Variants in FAM227B observed in about 807,000 individuals in gnomAD.
FAM227B encodes protein FAM227B.
Under a neutral mutation model 73.8 loss-of-function variants are expected in FAM227B, and 88 were observed. The ratio of observed to expected loss-of-function variants is 1.19; its 90% confidence interval spans 1.00 to 1.42. The LOEUF (loss-of-function observed/expected upper bound fraction) is 1.42. FAM227B is among the 40% of genes most tolerant of loss of function. FAM227B has a pLI of 0.00. For missense variants in FAM227B, 632 were observed against 590.9 expected, an observed-to-expected ratio of 1.07 and a Z score of -0.72; for synonymous variants, 210 against 190.5, an observed-to-expected ratio of 1.10 and a Z score of -0.84.
At chr15:49,421,546 C>T (rs1040220752) in intron 11 of FAM227B, among the ~76,000 whole-genome samples, 23 of 152,194 alleles carry the variant, frequency 1.5e-4, no homozygotes, top group African/African-American at 5.3e-4. Context: ...TCTTTGCTAA[C>T]AAACTATCCA....
chr15:49,422,118 C>CAGAGAGAGAGAGAGAGAGAG lies in FAM227B; in HGVS notation c.1013-50720_1013-50719insCTCTCTCTCTCTCTCTCTCT, dbSNP rs1432810961. Among the ~76,000 whole-genome samples, 75 of 79,070 alleles carry CAGAGAGAGAGAGAGAGAGAG rather than the reference C, an allele frequency of 9.5e-4. 1 individual carries two copies. The highest frequency in any genetic ancestry group is 6.7e-3 in the South Asian group (14 of 2,090). The allele number at this position is 79,070 out of a possible 152,430, so 51.9% of individuals were successfully genotyped here. A position where few individuals can be genotyped will look rare whatever the true frequency, so the allele number is the denominator to read the frequency against. ...CCTGGTGGTAAAGTAGTGCATTTCA[C>CAGAGAGAGAGAGAGAGAGAG]ATAGAGAGAGAGAGAGAGAGAGAGA... On this transcript the variant is annotated intron_variant, in intron 11 of 15. Coordinates refer to ENST00000299338, the MANE Select transcript of FAM227B (RefSeq NM_152647.3).
intron 9 of FAM227B, 108 bp from the exon 10 acceptor site, chr15:49,541,914 C>A: frequency 3.3e-6 from 3 of 906,200 alleles, no homozygotes; most frequent in Non-Finnish European, 4.4e-6. Flanking sequence ...ATTTATTAAC[C>A]GAATAAAAAT....
chr15:49,390,283 A>C (rs1212662852), intron 11 of FAM227B, among the ~76,000 whole-genome samples: 1 of 152,004 alleles, frequency 6.6e-6, no homozygotes, highest in Non-Finnish European at 1.5e-5. Flanking sequence ...TAGAGACCCC[A>C]TCTTATATGC....
At chr15:49,494,012 T>C (rs1426365257) in intron 11 of FAM227B, among the ~76,000 whole-genome samples, 1 of 151,892 alleles carries the variant, frequency 6.6e-6, no homozygotes, top group Non-Finnish European at 1.5e-5. Context: ...ATCAATTTTA[T>C]GAGGATCAGA....
At chr15:49,570,740 T>C (rs1489913545) in intron 8 of FAM227B, among the ~76,000 whole-genome samples, 1 of 150,750 alleles carries the variant, frequency 6.6e-6, no homozygotes, top group Non-Finnish European at 1.5e-5. Context: ...GTGACTGGCT[T>C]ATTTCAGTTA....
chr15:49,565,064 G>A (rs1302394396), intron 9 of FAM227B, among the ~76,000 whole-genome samples: 2 of 151,982 alleles, frequency 1.3e-5, no homozygotes, highest in Admixed American at 6.6e-5. Context: ...TTTATATAGT[G>A]CAATCAGTAC....
At chr15:49,458,889 A>T (rs1475781488) in intron 11 of FAM227B, among the ~76,000 whole-genome samples, 1 of 152,150 alleles carries the variant, frequency 6.6e-6, no homozygotes, top group Admixed American at 6.6e-5. Context: ...ACCAACATCT[A>T]CTACTCTATT....
intron 11 of FAM227B, among the ~76,000 whole-genome samples, chr15:49,386,694 AG>A (rs1313925094): frequency 6.6e-6 from 1 of 151,914 alleles, no homozygotes; most frequent in African/African-American, 2.4e-5. Flanking sequence ...ACAATACAAA[AG>A]ATCAATGAAA....
intron 10 of FAM227B, among the ~76,000 whole-genome samples, chr15:49,533,674 TG>T (rs2060790802): frequency 6.6e-6 from 1 of 151,882 alleles, no homozygotes; most frequent in Non-Finnish European, 1.5e-5. Context: ...CCATTTTATC[TG>T]ATAGAAGTAG....
At chr15:49,617,693 A>T (rs928143102) in intron 1 of FAM227B, among the ~76,000 whole-genome samples, 1 of 152,162 alleles carries the variant, frequency 6.6e-6, no homozygotes, top group Non-Finnish European at 1.5e-5. Flanking sequence ...AAAGTGGCTT[A>T]AAAAATCACA....
chr15:49,331,678 T>C, intron 15 of FAM227B, 102 bp downstream of exon 15: 1 of 723,860 alleles, frequency 1.4e-6, no homozygotes, highest in East Asian at 2.6e-5. Context: ...CCTGCCACTG[T>C]AATTTGGGTG....
intron 12 of FAM227B, among the ~76,000 whole-genome samples, chr15:49,369,771 C>T (rs1335703549): frequency 6.6e-6 from 1 of 152,106 alleles, no homozygotes; most frequent in Non-Finnish European, 1.5e-5. Context: ...AAAACTTATA[C>T]TTTTTTTGAG....
rs374477211 is a variant in FAM227B, at chr15:49,494,256, AACAC to A, written c.1012+13951_1012+13954del. On this transcript the variant is annotated intron_variant, in intron 11 of 15. Transcript: ENST00000299338. ...CTATTGCCTTAGTGGGAGACACACA[AACAC>A]ACACACACACACACACACACACACA... Among the ~76,000 whole-genome samples, 1,175 of 140,358 alleles carry A rather than the reference AACAC, an allele frequency of 8.4e-3. 5 individuals carry two copies. The highest frequency in any genetic ancestry group is 0.012 in the Non-Finnish European group (780 of 63,758). The allele number at this position is 140,358 out of a possible 152,430, so 92.1% of individuals were successfully genotyped here.
At chr15:49,521,280 C>A (rs1286093757) in intron 10 of FAM227B, among the ~76,000 whole-genome samples, 1 of 152,172 alleles carries the variant, frequency 6.6e-6, no homozygotes, top group Non-Finnish European at 1.5e-5. Flanking sequence ...TTCCTGGAGA[C>A]CTAGCCCTTA....
intron 11 of FAM227B, among the ~76,000 whole-genome samples, chr15:49,497,160 G>C (rs2057691674): frequency 6.6e-6 from 1 of 152,196 alleles, no homozygotes; most frequent in East Asian, 1.9e-4. Flanking sequence ...ATAAAGCTCA[G>C]AGGGGTTGTA....
chr15:49,408,949 T>A (rs1029097967), intron 11 of FAM227B, among the ~76,000 whole-genome samples: 1 of 152,180 alleles, frequency 6.6e-6, no homozygotes, highest in Non-Finnish European at 1.5e-5. Context: ...AATGAGTATA[T>A]AAATTCTAGT....
chr15:49,422,015 A>T (rs1332912436), intron 11 of FAM227B, among the ~76,000 whole-genome samples: 1 of 152,194 alleles, frequency 6.6e-6, no homozygotes, highest in Non-Finnish European at 1.5e-5. Flanking sequence ...AAAGGGACAG[A>T]TACAAAGAGA....
chr15:49,480,234 A>G (rs1287875616), intron 11 of FAM227B, among the ~76,000 whole-genome samples: 1 of 152,190 alleles, frequency 6.6e-6, no homozygotes, highest in Non-Finnish European at 1.5e-5. Flanking sequence ...GAATCTTTAC[A>G]AAGAATTTTT....
At chr15:49,576,020 T>C (rs1047817051) in intron 7 of FAM227B, 4 of 152,184 alleles carry the variant, frequency 2.6e-5, no homozygotes, top group Admixed American at 1.3e-4. Flanking sequence ...TACAGGTCTA[T>C]AAAAAGGACA....
Sources: gnomAD v4.1 joint callset for allele counts (sites outside exome capture counted in the v4.1 genomes callset) on GRCh38, gnomAD v4.1.1 for gene constraint, MANE v1.5 for transcripts, NCBI Gene and HGNC (gene_info 2026-07-23, HGNC 2026-07-21) for gene names.